The following GALNT13 variants were observed in gnomAD, a reference collection of about 807,000 sequenced individuals.
GALNT13 encodes the protein polypeptide N-acetylgalactosaminyltransferase 13, also known as UDP-GalNAc:polypeptide N-acetylgalactosaminyltransferase 13.
Under a neutral mutation model 64.2 loss-of-function variants are expected in GALNT13, and 28 were observed. The ratio of observed to expected loss-of-function variants is 0.44; its 90% CI spans 0.32 to 0.60. The LOEUF (loss-of-function observed/expected upper bound fraction) is 0.60, where lower values mean the gene tolerates loss of function less well. Among genes scored for constraint, GALNT13 ranks in the 20% least tolerant of loss-of-function variants. The pLI is 0.05. For missense variants in GALNT13, 577 were observed against 669.8 expected, an observed-to-expected ratio of 0.86 and a Z score of 1.53; for synonymous variants, 214 against 224.6, an observed-to-expected ratio of 0.95 and a Z score of 0.42.
the GALNT13 span, among the ~76,000 whole-genome samples, chr2:153,358,045 C>T: frequency 3.9e-5 from 6 of 152,132 alleles, no homozygotes; most frequent in Admixed American, 2.6e-4. Flanking sequence ...GAGGTTTTCA[C>T]ATATGAAAGC....
intron 3 of GALNT13, among the ~76,000 whole-genome samples, chr2:154,009,834 C>T (rs943924742): frequency 4.6e-5 from 7 of 152,136 alleles, no homozygotes; most frequent in Non-Finnish European, 7.3e-5. Context: ...TCTCTGATTT[C>T]TTTGAGCAGG....
At chr2:153,800,217 T>C in the GALNT13 span, among the ~76,000 whole-genome samples, 1 of 152,092 alleles carries the variant, frequency 6.6e-6, no homozygotes, top group Non-Finnish European at 1.5e-5. Flanking sequence ...TCTTAGTACA[T>C]ATGAAAATTA....
At chr2:153,807,649 A>C in the GALNT13 span, among the ~76,000 whole-genome samples, 2 of 152,042 alleles carry the variant, frequency 1.3e-5, no homozygotes, top group African/African-American at 4.8e-5. Flanking sequence ...CAGGTTGATT[A>C]TCCTCAAAGT....
At chr2:154,312,825 CAG>C (rs1466378248) in intron 9 of GALNT13, among the ~76,000 whole-genome samples, 1 of 152,052 alleles carries the variant, frequency 6.6e-6, no homozygotes. Flanking sequence ...ATACCAGAAT[CAG>C]ATATCTTTCC....
At chr2:153,777,941 C>A in the GALNT13 span, among the ~76,000 whole-genome samples, 1 of 152,184 alleles carries the variant, frequency 6.6e-6, no homozygotes, top group Admixed American at 6.5e-5. Flanking sequence ...GATCACACAT[C>A]AGCTTGGAGA....
the GALNT13 span, among the ~76,000 whole-genome samples, chr2:153,212,897 T>TG: frequency 2.4e-3 from 373 of 152,332 alleles, no homozygotes; most frequent in Non-Finnish European, 4.2e-3. Flanking sequence ...TTATTTCAAG[T>TG]TATGTTGCTG....
the GALNT13 span, among the ~76,000 whole-genome samples, chr2:153,716,649 G>T: frequency 6.6e-6 from 1 of 152,018 alleles, no homozygotes; most frequent in South Asian, 2.1e-4. Context: ...CTTGCATTTA[G>T]GGGTCATTCC....
the GALNT13 span, among the ~76,000 whole-genome samples, chr2:153,551,824 A>T: frequency 6.6e-6 from 1 of 152,212 alleles, no homozygotes; most frequent in Non-Finnish European, 1.5e-5. Flanking sequence ...GCATAATTCT[A>T]GGCTACAGAT....
At chr2:154,414,551 A>T (rs1163711539) in intron 11 of GALNT13, among the ~76,000 whole-genome samples, 1 of 151,758 alleles carries the variant, frequency 6.6e-6, no homozygotes, top group Non-Finnish European at 1.5e-5. Context: ...TATGGGAGAA[A>T]CATTTTATCT....
the GALNT13 span, among the ~76,000 whole-genome samples, chr2:153,227,121 G>A: frequency 6.6e-6 from 1 of 152,212 alleles, no homozygotes; most frequent in African/African-American, 2.4e-5. Flanking sequence ...GCTAATTCAA[G>A]TGGGGATGTT....
the GALNT13 span, among the ~76,000 whole-genome samples, chr2:153,774,710 C>T: frequency 1.3e-5 from 2 of 151,978 alleles, no homozygotes; most frequent in Non-Finnish European, 2.9e-5. Context: ...GCCTGAGCAA[C>T]AATGAAACAT....
chr2:154,283,846 C>G (rs1027018488), intron 8 of GALNT13, among the ~76,000 whole-genome samples: 2 of 152,004 alleles, frequency 1.3e-5, no homozygotes, highest in African/African-American at 4.8e-5. Context: ...ATAGTAAGTT[C>G]TATAAATCAG....
chr2:153,679,915 C>T, the GALNT13 span, among the ~76,000 whole-genome samples: 4 of 151,974 alleles, frequency 2.6e-5, no homozygotes, highest in South Asian at 4.1e-4. Flanking sequence ...TTCCTTGGTA[C>T]TATTTCATAC....
At chr2:153,224,036 A>T in the GALNT13 span, among the ~76,000 whole-genome samples, 1 of 152,164 alleles carries the variant, frequency 6.6e-6, no homozygotes, top group Non-Finnish European at 1.5e-5. Flanking sequence ...GCTTAAAGGG[A>T]AATGTATAGC....
chr2:153,537,805 C>T, the GALNT13 span, among the ~76,000 whole-genome samples: 1 of 152,186 alleles, frequency 6.6e-6, no homozygotes. Flanking sequence ...GACATGTTTG[C>T]TTACCCTTCT....
the GALNT13 span, among the ~76,000 whole-genome samples, chr2:153,308,083 CT>C: frequency 6.6e-6 from 1 of 152,084 alleles, no homozygotes; most frequent in African/African-American, 2.4e-5. Flanking sequence ...AAAAATGCTG[CT>C]GATGAAACTG....
the GALNT13 span, among the ~76,000 whole-genome samples, chr2:153,678,269 G>C: frequency 6.6e-6 from 1 of 151,630 alleles, no homozygotes; most frequent in Admixed American, 6.6e-5. Context: ...CAAAGACATG[G>C]AATCAACATA....
At chr2:154,011,005 A>T (rs1305175739) in intron 3 of GALNT13, among the ~76,000 whole-genome samples, 2 of 151,710 alleles carry the variant, frequency 1.3e-5, no homozygotes, top group African/African-American at 4.8e-5. Context: ...TTCTTTATTC[A>T]TATAGCTAGT....
the GALNT13 span, among the ~76,000 whole-genome samples, chr2:153,157,243 C>T: frequency 6.6e-6 from 1 of 152,074 alleles, no homozygotes; most frequent in Non-Finnish European, 1.5e-5. Flanking sequence ...ATTATTATTA[C>T]AATTTATTAT....
Sources: allele counts gnomAD v4.1 joint callset (sites outside exome capture counted in the v4.1 genomes callset), GRCh38; gene constraint gnomAD v4.1.1; transcripts MANE v1.5; gene names NCBI Gene and HGNC (gene_info 2026-07-23, HGNC 2026-07-21).